Variants in LOC128125817 observed in about 807,000 individuals in gnomAD.
chr1:41,596,639 C>A, the LOC128125817 span, among the ~76,000 whole-genome samples: 1 of 152,240 alleles, frequency 6.6e-6, no homozygotes, highest in Admixed American at 6.5e-5. Context: ...TAACTGACCA[C>A]CTACCATGCC....
chr1:41,615,355 A>C, the LOC128125817 span, among the ~76,000 whole-genome samples: 1 of 152,208 alleles, frequency 6.6e-6, no homozygotes, highest in Non-Finnish European at 1.5e-5. Flanking sequence ...CTTGGGATGC[A>C]CTGGGGCTGC....
chr1:41,606,957 T>C, the LOC128125817 span, among the ~76,000 whole-genome samples: 1 of 152,160 alleles, frequency 6.6e-6, no homozygotes, highest in East Asian at 1.9e-4. Context: ...ATGATCTTTC[T>C]AGTTTAAAAT....
chr1:41,627,512 C>G, the LOC128125817 span, among the ~76,000 whole-genome samples: 1 of 152,176 alleles, frequency 6.6e-6, no homozygotes, highest in Non-Finnish European at 1.5e-5. Context: ...TGGTCTAGGC[C>G]TAGGGCTGGT....
chr1:41,621,033 C>G, the LOC128125817 span, among the ~76,000 whole-genome samples: 1 of 152,212 alleles, frequency 6.6e-6, no homozygotes, highest in South Asian at 2.1e-4. Flanking sequence ...CTGGGCAAGT[C>G]ACTTGCCACG....
chr1:41,624,675 GT>G, the LOC128125817 span, among the ~76,000 whole-genome samples: 2 of 152,166 alleles, frequency 1.3e-5, no homozygotes, highest in African/African-American at 4.8e-5. Flanking sequence ...ATAAATGATT[GT>G]GGGGCTTCCT....
At chr1:41,604,256 A>T in the LOC128125817 span, among the ~76,000 whole-genome samples, 1 of 152,274 alleles carries the variant, frequency 6.6e-6, no homozygotes, top group African/African-American at 2.4e-5. Context: ...ATGATAGCCA[A>T]AAAAACTGGA....
chr1:41,625,162 CAAAAAAAAAAAA>C, the LOC128125817 span, among the ~76,000 whole-genome samples: 5 of 71,276 alleles, frequency 7.0e-5, no homozygotes, highest in South Asian at 1.9e-3. Flanking sequence ...GATTCCAACT[CAAAAAAAAAAAA>C]AAAAAAAAAA....
chr1:41,590,102 T>A, the LOC128125817 span, among the ~76,000 whole-genome samples: 2 of 152,090 alleles, frequency 1.3e-5, no homozygotes, highest in Non-Finnish European at 2.9e-5. Flanking sequence ...ATTCTTCACT[T>A]GCAAAAAAAT....
At chr1:41,619,344 C>T in the LOC128125817 span, among the ~76,000 whole-genome samples, 1 of 152,238 alleles carries the variant, frequency 6.6e-6, no homozygotes, top group East Asian at 1.9e-4. Flanking sequence ...CTGACTGCCA[C>T]CTTGTCACAT....
chr1:41,616,584 T>C, the LOC128125817 span, among the ~76,000 whole-genome samples: 1 of 148,860 alleles, frequency 6.7e-6, no homozygotes, highest in Admixed American at 6.7e-5. Context: ...TTTTTTTTTT[T>C]CAAACAGGGT....
the LOC128125817 span, among the ~76,000 whole-genome samples, chr1:41,607,094 A>G: frequency 1.3e-5 from 2 of 152,126 alleles, no homozygotes; most frequent in African/African-American, 2.4e-5. Flanking sequence ...AAAGTGCTGG[A>G]TTATAGGTGT....
chr1:41,586,636 T>C, the LOC128125817 span, among the ~76,000 whole-genome samples: 1 of 152,054 alleles, frequency 6.6e-6, no homozygotes, highest in Non-Finnish European at 1.5e-5. Context: ...GACTTGAAAA[T>C]GCCACTTACT....
the LOC128125817 span, among the ~76,000 whole-genome samples, chr1:41,611,411 G>C: frequency 6.6e-6 from 1 of 152,240 alleles, no homozygotes; most frequent in Non-Finnish European, 1.5e-5. Flanking sequence ...GATGGGGACA[G>C]AGCGCCATGT....
the LOC128125817 span, among the ~76,000 whole-genome samples, chr1:41,587,590 C>T: frequency 6.6e-6 from 1 of 152,242 alleles, no homozygotes; most frequent in Non-Finnish European, 1.5e-5. Flanking sequence ...TGCCAACTGT[C>T]TCTGGGTGTC....
At chr1:41,604,327 C>A in the LOC128125817 span, among the ~76,000 whole-genome samples, 14 of 152,168 alleles carry the variant, frequency 9.2e-5, 1 homozygote, top group South Asian at 2.9e-3. Flanking sequence ...ATTCATATAA[C>A]AATTATACAT....
the LOC128125817 span, among the ~76,000 whole-genome samples, chr1:41,618,134 T>C: frequency 2.6e-5 from 4 of 152,204 alleles, no homozygotes; most frequent in Non-Finnish European, 4.4e-5. Context: ...GTGCTGGCCA[T>C]GGACACAATG....
chr1:41,617,453 T>G, the LOC128125817 span, among the ~76,000 whole-genome samples: 1 of 152,122 alleles, frequency 6.6e-6, no homozygotes, highest in Non-Finnish European at 1.5e-5. Flanking sequence ...CCTGGGGTGG[T>G]TGAGGACAGC....
At chr1:41,610,163 C>G in the LOC128125817 span, among the ~76,000 whole-genome samples, 1 of 152,170 alleles carries the variant, frequency 6.6e-6, no homozygotes, top group African/African-American at 2.4e-5. Flanking sequence ...ATCTCTCTCT[C>G]TGTATACACA....
chr1:41,602,778 C>A, the LOC128125817 span, among the ~76,000 whole-genome samples: 2 of 151,804 alleles, frequency 1.3e-5, no homozygotes, highest in African/African-American at 4.8e-5. Context: ...GCCTTAATTT[C>A]TTTTTCTAGG....
Sources: gnomAD v4.1 joint callset for allele counts (sites outside exome capture counted in the v4.1 genomes callset) on GRCh38, gnomAD v4.1.1 for gene constraint, MANE v1.5 for transcripts.